The following DISC1 variants were observed in gnomAD, a reference collection of about 807,000 sequenced individuals.
The protein encoded by DISC1 is DISC1 scaffold protein, also known as disrupted in schizophrenia 1 protein.
A neutral mutation model predicts 84.5 loss-of-function variants in DISC1; 57 were observed. The ratio of observed to expected loss-of-function variants is 0.67; its 90% CI spans 0.55 to 0.84. DISC1 has a LOEUF of 0.84. Ranked by LOEUF, DISC1 falls within the 40% of genes least tolerant of loss-of-function variation. The probability of loss-of-function intolerance (pLI) is 0.00; values close to 1 mark genes in which losing one functional copy is unlikely to be tolerated. For missense variants in DISC1, 1,000 were observed against 1,057.8 expected (o/e 0.95, Z 0.76); for synonymous variants, 411 against 415.2 (o/e 0.99, Z 0.12).
At chr1:231,959,556 G>A in intron 10 of DISC1, 4 of 962,878 alleles carry the variant, frequency 4.2e-6, no homozygotes, top group Non-Finnish European at 4.9e-6. Context: ...TATTATTTTG[G>A]AATTTGTTAA....
intron 10 of DISC1, among the ~76,000 whole-genome samples, chr1:231,966,209 C>T (rs1343032080): frequency 6.8e-6 from 1 of 147,256 alleles, no homozygotes; most frequent in Non-Finnish European, 1.5e-5. Flanking sequence ...ATACAGTGCC[C>T]AAATCCATTT....
intron 9 of DISC1, among the ~76,000 whole-genome samples, chr1:231,888,697 C>T (rs1345779145): frequency 1.4e-5 from 2 of 146,472 alleles, no homozygotes; most frequent in East Asian, 4.1e-4. Flanking sequence ...AAGATCGTGC[C>T]ACTGCAGTCC....
chr1:231,685,070 A>G (rs1251374503), intron 1 of DISC1: 6 of 152,222 alleles, frequency 3.9e-5, no homozygotes, highest in South Asian at 2.1e-4. Flanking sequence ...TCCGTTGGTG[A>G]ATGTGATGGC....
intron 9 of DISC1, among the ~76,000 whole-genome samples, chr1:231,957,741 G>A (rs1659765229): frequency 6.6e-6 from 1 of 151,318 alleles, no homozygotes; most frequent in African/African-American, 2.5e-5. Context: ...GAACCAGAAT[G>A]TTTAATTGTT....
At chr1:231,754,478 T>A (rs2074929672) in intron 4 of DISC1, among the ~76,000 whole-genome samples, 1 of 152,112 alleles carries the variant, frequency 6.6e-6, no homozygotes, top group South Asian at 2.1e-4. Flanking sequence ...CATCCAGACC[T>A]TGTGAGAACT....
chr1:231,962,821 C>T (rs1420426388), intron 10 of DISC1, among the ~76,000 whole-genome samples: 2 of 152,156 alleles, frequency 1.3e-5, no homozygotes, highest in South Asian at 2.1e-4. Flanking sequence ...GCCCAATGCA[C>T]GGCCCACCAC....
chr1:231,868,995 C>T (rs2085270045), intron 9 of DISC1, among the ~76,000 whole-genome samples: 1 of 151,966 alleles, frequency 6.6e-6, no homozygotes, highest in African/African-American at 2.4e-5. Context: ...GGGGTATGTA[C>T]TGTCCCCCAC....
intron 4 of DISC1, among the ~76,000 whole-genome samples, chr1:231,752,249 T>G (rs911557182): frequency 6.6e-6 from 1 of 152,210 alleles, no homozygotes; most frequent in African/African-American, 2.4e-5. Context: ...AGAAGTTAAT[T>G]GTCTCATGGT....
chr1:231,900,058 T>C (rs563237571), intron 9 of DISC1, among the ~76,000 whole-genome samples: 1 of 152,342 alleles, frequency 6.6e-6, no homozygotes, highest in South Asian at 2.1e-4. Flanking sequence ...ATTATAGCAT[T>C]AACTTAAGAT....
intron 3 of DISC1, among the ~76,000 whole-genome samples, chr1:231,703,396 C>G (rs1251260791): frequency 2.0e-5 from 3 of 152,214 alleles, no homozygotes; most frequent in African/African-American, 7.2e-5. Flanking sequence ...AGAAAATGAG[C>G]TATTCCTGGG....
intron 10 of DISC1, among the ~76,000 whole-genome samples, chr1:231,984,314 G>A (rs1052576120): frequency 2.0e-5 from 3 of 152,184 alleles, no homozygotes; most frequent in African/African-American, 7.2e-5. Context: ...TCAAAGGAAA[G>A]TAGAGAAATT....
chr1:231,842,272 C>T (rs1315946390), intron 9 of DISC1, among the ~76,000 whole-genome samples: 1 of 152,190 alleles, frequency 6.6e-6, no homozygotes, highest in Non-Finnish European at 1.5e-5. Flanking sequence ...ACCTCAGTCT[C>T]CCAAAGTGCT....
At chr1:231,650,448 C>T (rs963395027) in intron 1 of DISC1, among the ~76,000 whole-genome samples, 1 of 152,194 alleles carries the variant, frequency 6.6e-6, no homozygotes, top group African/African-American at 2.4e-5. Flanking sequence ...AGTCATCAGA[C>T]TTCCCTTTGT....
At chr1:231,933,908 G>A (rs1004681153) in intron 9 of DISC1, among the ~76,000 whole-genome samples, 2 of 152,146 alleles carry the variant, frequency 1.3e-5, no homozygotes, top group Non-Finnish European at 1.5e-5. Context: ...CCTTGAGACC[G>A]GCACTACTTG....
chr1:231,931,425 A>T (rs1236090014), intron 9 of DISC1, among the ~76,000 whole-genome samples: 5 of 152,142 alleles, frequency 3.3e-5, no homozygotes. Flanking sequence ...CTTATGACAT[A>T]CTGACCTAGA....
chr1:231,888,838 G>A (rs1031487145), intron 9 of DISC1, among the ~76,000 whole-genome samples: 61 of 151,778 alleles, frequency 4.0e-4, no homozygotes, highest in Non-Finnish European at 1.5e-4. Flanking sequence ...CCACTCTCCT[G>A]CTCAGGGGCC....
chr1:231,832,822 G>A (rs1024692893), intron 9 of DISC1, among the ~76,000 whole-genome samples: 1 of 149,276 alleles, frequency 6.7e-6, no homozygotes, highest in African/African-American at 2.5e-5. Flanking sequence ...AACCTGTAAG[G>A]CTTGTCTGGT....
chr1:232,018,060 G>C (rs977281699), intron 11 of DISC1, among the ~76,000 whole-genome samples: 6 of 152,126 alleles, frequency 3.9e-5, no homozygotes, highest in African/African-American at 1.5e-4. Flanking sequence ...AGGTGTGGAA[G>C]CTTTTCCTAA....
chr1:231,846,052 G>T (rs1434833911), intron 9 of DISC1, among the ~76,000 whole-genome samples: 1 of 152,084 alleles, frequency 6.6e-6, no homozygotes, highest in Non-Finnish European at 1.5e-5. Context: ...GAAGCTGAAT[G>T]CCCTGAGCCT....
Sources: allele counts gnomAD v4.1 joint callset (sites outside exome capture counted in the v4.1 genomes callset), GRCh38; gene constraint gnomAD v4.1.1; transcripts MANE v1.5; gene names NCBI Gene and HGNC (gene_info 2026-07-23, HGNC 2026-07-21).